ZZEF1: variants seen among roughly 807,000 people sequenced by gnomAD.
ZZEF1 encodes zinc finger ZZ-type and EF-hand domain containing 1.
A neutral mutation model predicts 342.8 loss-of-function variants in ZZEF1; 157 were observed. The observed-to-expected ratio is 0.46, with a 90% CI of 0.40 to 0.52. The LOEUF is 0.52. Among genes scored for constraint, ZZEF1 ranks in the 20% least tolerant of loss-of-function variants. ZZEF1 has a pLI of 0.00. For synonymous variants in ZZEF1, 1,505 were observed against 1,429.1 expected, an observed-to-expected ratio of 1.05 and a Z score of -1.20; for missense variants, 3,480 against 3,725.6, an observed-to-expected ratio of 0.93 and a Z score of 1.72.
At chr17:4,041,698 G>T (rs539671030) in intron 39 of ZZEF1, among the ~76,000 whole-genome samples, 1 of 152,060 alleles carries the variant, frequency 6.6e-6, no homozygotes, top group Admixed American at 6.5e-5. Flanking sequence ...AAGTTCATAT[G>T]GAAAAAATAT....
At chr17:4,056,574 T>G (rs553622376) in intron 32 of ZZEF1, among the ~76,000 whole-genome samples, 1 of 152,214 alleles carries the variant, frequency 6.6e-6, no homozygotes, top group East Asian at 1.9e-4. Context: ...GATGAGAAAT[T>G]AAGAGTTTGA....
At chr17:4,093,020 G>A (rs947032503) in intron 11 of ZZEF1, among the ~76,000 whole-genome samples, 1 of 151,832 alleles carries the variant, frequency 6.6e-6, no homozygotes, top group African/African-American at 2.4e-5. Flanking sequence ...TTCCAAACTG[G>A]AGAGGGACTG....
In ZZEF1 at chr17:4,142,825, T is replaced by A. The variant is rs1197121981; in HGVS notation, c.71A>T (p.His24Leu). 7 of 1,408,674 alleles carry A rather than the reference T, an allele frequency of 5.0e-6. No individual in the cohort carries two copies. The highest frequency in any genetic ancestry group is 6.4e-6 in the Non-Finnish European group (7 of 1,092,010). The allele number at this position is 1,408,674 out of a possible 1,614,324, so 87.3% of individuals were successfully genotyped here. ...AAAGGEGWGP[H>L]QDWAAVSGTT... ...GCCCGAGACCGCGGCCCAGTCCTGG[T>A]GTGGGCCCCAGCCCTCGCCACCGGC... The change falls in exon 1 of 55, where the codon CAC becomes CTC. Residue 24 changes from histidine (H) to leucine (L), a missense_variant. This residue lies in a region of ZZEF1 where 416 missense variants were observed against 374.2 expected (regional missense o/e 1.11). Coordinates refer to ENST00000381638, the MANE Select transcript of ZZEF1 (RefSeq NM_015113.4).
At chr17:4,056,638 C>A (rs927814770) in intron 32 of ZZEF1, 2 of 180,404 alleles carry the variant, frequency 1.1e-5, no homozygotes, top group African/African-American at 4.7e-5. Context: ...GGTGAACCTA[C>A]TATGTGCCAG....
At chr17:4,049,930 G>A in intron 36 of ZZEF1, 71 bp from the exon 37 acceptor site, 1 of 1,549,128 alleles carries the variant, frequency 6.5e-7, no homozygotes, top group Non-Finnish European at 8.8e-7. Context: ...AGTGCCATAA[G>A]TTACTTTGCC....
rs2057890615 is a variant in ZZEF1, at chr17:4,088,831, G to A, written c.2088C>T (p.Gly696=). 1.9e-6 allele frequency: 3 copies of A among 1,614,062 alleles called. No homozygotes were observed. Among genetic ancestry groups the A allele is most frequent in the Admixed American group, 3.3e-5 (2 of 60,004 alleles). ...QESAERLGVQ[G]LTISGYLRPA... is the part of the protein sequence containing the mutation. ...GCCGGAGGTACCCACTGATGGTCAA[G>A]CCTTGCACTCCCAAGCGCTCTGCTG... Residue 696 remains glycine (G), a synonymous_variant, in exon 13 of 55, where the codon GGC becomes GGT. Coordinates refer to ENST00000381638, the MANE Select transcript of ZZEF1 (RefSeq NM_015113.4).
intron 43 of ZZEF1, among the ~76,000 whole-genome samples, chr17:4,024,196 T>TGTG (rs1567770252): frequency 8.1e-6 from 1 of 123,768 alleles, no homozygotes; most frequent in African/African-American, 4.7e-5. Flanking sequence ...GTTTTTTTTT[T>TGTG]TTTTTTTTTT....
Position 4,050,986 on chromosome 17 carries a change from G to A in ZZEF1, c.5658C>T (p.Asp1886=). Residue 1886 remains aspartate, a synonymous_variant, in exon 36 of 55, where the codon GAC becomes GAT. Coordinates refer to ENST00000381638, the MANE Select transcript of ZZEF1 (RefSeq NM_015113.4). Reference sequence around the variant, plus strand: ...TATATGGCTGGATGAGCCTCTGCCGGTCACTGATCCGAATGGTTACCATTG... The same window carrying A: ...TATATGGCTGGATGAGCCTCTGCCGATCACTGATCCGAATGGTTACCATTG... ...AHPMVTIRIS[D]RQRLIQPYIH... is the part of the protein sequence containing the mutation. 1 of 1,614,222 alleles carries A rather than the reference G, an allele frequency of 6.2e-7. No homozygotes were observed. The highest frequency in any genetic ancestry group is 8.5e-7 in the Non-Finnish European group (1 of 1,180,030).
In ZZEF1 at chr17:4,078,030, T is replaced by C; in HGVS notation, c.2842A>G (p.Met948Val). 4 of 1,613,690 alleles carry C rather than the reference T, an allele frequency of 2.5e-6. No individual in the cohort carries two copies. The highest frequency in any genetic ancestry group is 2.2e-5 in the East Asian group (1 of 44,896). The change falls in exon 19 of 55, where the codon ATG (methionine) becomes GTG (valine). Residue 948 changes from methionine to valine, a missense_variant. By Grantham distance (21) the Met-to-Val change is conservative. Coordinates refer to ENST00000381638, the MANE Select transcript of ZZEF1 (RefSeq NM_015113.4). Reference sequence around the variant, plus strand: ...ACCTCCCCTGGGGCCCCACTGAGCATTAACAGCTCGCACTACAAGGGAGGA... The same window carrying C: ...ACCTCCCCTGGGGCCCCACTGAGCACTAACAGCTCGCACTACAAGGGAGGA... ...SVAARECELL[M>V]LSGAPGEVGS...
chr17:4,029,648 G>A (rs1031517128), intron 42 of ZZEF1, among the ~76,000 whole-genome samples: 2 of 152,060 alleles, frequency 1.3e-5, no homozygotes, highest in Non-Finnish European at 2.9e-5. Flanking sequence ...GGCTGAGGCG[G>A]GTGGATCACT....
rs151197467 is a variant in ZZEF1 at position 4,123,964 on chromosome 17, G to A, written c.442C>T (p.Leu148Phe). 1.2e-6 allele frequency: 2 copies of A among 1,614,000 alleles called. No homozygotes were observed. Among genetic ancestry groups the A allele is most frequent in the South Asian group, 2.2e-5 (2 of 91,078 alleles). Residue 148 changes from leucine (L) to phenylalanine (F), a missense_variant, in exon 2 of 55, where the codon CTT (leucine) becomes TTT (phenylalanine). Physicochemically the swap from Leu to Phe is conservative, Grantham distance 22. Transcript: ENST00000381638. ...ATGATGTGGCTCAGCTCCCCCTGAA[G>A]ATTAGCTCCACTGGAATTCTTGAGG... ...EALKNSSGAN[L>F]QGELSHIIRQ...
At position 4,075,257 on chromosome 17, in the gene ZZEF1, T is replaced by A; in HGVS notation, c.3401+6A>T. On this transcript the variant is annotated splice_donor_region_variant and intron_variant, in intron 22 of 54. Coordinates refer to ENST00000381638, the MANE Select transcript of ZZEF1 (RefSeq NM_015113.4). The stretch of plus-strand genomic sequence containing the variant: ...GCTTGGGGGTGAAAGAATATAGAAG[T>A]CTTACCTTTTTTCAGTTTCACACCT... 1 of 1,614,044 alleles carries A rather than the reference T, an allele frequency of 6.2e-7. No individual in the cohort carries two copies. The highest frequency in any genetic ancestry group is 8.5e-7 in the Non-Finnish European group (1 of 1,179,916).
Position 4,050,782 on chromosome 17 carries a change from T to A in ZZEF1, c.5862A>T (p.Lys1954Asn). The change falls in exon 36 of 55, where the codon AAA (lysine) becomes AAT (asparagine). Residue 1954 changes from lysine to asparagine, a missense_variant and splice_region_variant. Around this residue, in one of 5 missense-constraint regions of ZZEF1, gnomAD observed 1,269 missense variants for 1,342.4 expected, o/e 0.95. Transcript: ENST00000381638. ...GDCLMKAHQG[K>N]GLKALALLGV... The stretch of plus-strand genomic sequence containing the variant: ...GGTTTCTGTGCATTGGGAAGTCACC[T>A]TTTCCCTGATGAGCCTTCATCAGAC... 2 of 1,613,472 alleles carry A rather than the reference T, an allele frequency of 1.2e-6. No homozygotes were observed. The highest frequency in any genetic ancestry group is 8.5e-7 in the Non-Finnish European group (1 of 1,180,010).
In ZZEF1 at chr17:4,019,504, G is replaced by A. The variant is rs113796527; in HGVS notation, c.7505+165C>T. On this transcript the variant is annotated intron_variant, in intron 46 of 54. Transcript: ENST00000381638. ...GCACTTTGAAGATGATCCAGGTAAC[G>A]TAGCACAGGCCACCTCCCACCTCGC... Among the ~76,000 whole-genome samples the A allele has an allele frequency of 6.2e-3, 940 of 152,246 alleles. 12 individuals are homozygous for A. Among genetic ancestry groups the A allele is most frequent in the African/African-American group, 0.021 (865 of 41,538 alleles).
chr17:4,141,805 G>A (rs777379182), intron 1 of ZZEF1, among the ~76,000 whole-genome samples: 2 of 151,466 alleles, frequency 1.3e-5, no homozygotes, highest in African/African-American at 4.9e-5. Flanking sequence ...TTCTTAACTC[G>A]AAGTGAAGCG....
intron 1 of ZZEF1, among the ~76,000 whole-genome samples, chr17:4,131,713 G>A (rs1331217490): frequency 1.3e-5 from 2 of 152,066 alleles, no homozygotes; most frequent in East Asian, 3.9e-4. Context: ...CTAGGGGGTC[G>A]AGGTGCAGTG....
rs1384330022 is a variant in ZZEF1 at position 4,133,880 on chromosome 17, T to G, written c.354+8662A>C. The stretch of plus-strand genomic sequence containing the variant: ...GGGACATGCTCAGCTAGTTTTTTAT[T>G]TTTTTGTAGAAACAAAGTCTCACTA... On this transcript the variant is annotated intron_variant, in intron 1 of 54. Coordinates refer to ENST00000381638, the MANE Select transcript of ZZEF1 (RefSeq NM_015113.4). 3.3e-5 allele frequency among the ~76,000 whole-genome samples: 5 copies of G among 152,088 alleles called. No individual in the cohort carries two copies. The East Asian group carries it at 7.7e-4, about 24-fold the overall frequency.
At position 4,064,808 on chromosome 17, in the gene ZZEF1, C is replaced by T. The variant is rs745887050; in HGVS notation, c.4271G>A (p.Ser1424Asn). ...ESLAKECIEK[S>N]LLLLKFLPTG... ...GGGCAGAAATTTTAGTAATAGAAGA[C>T]TCTTCTCAATGCACTCTTTTGCTAG... is the stretch of plus-strand genomic sequence containing the variant. The change falls in exon 29 of 55, where the codon AGT becomes AAT. Residue 1424 changes from serine to asparagine, a missense_variant. By Grantham distance (46) the Ser-to-Asn change is conservative. Coordinates refer to ENST00000381638, the MANE Select transcript of ZZEF1 (RefSeq NM_015113.4). 13 of 1,584,130 alleles carry T rather than the reference C, an allele frequency of 8.2e-6. No individual in the cohort carries two copies. The highest frequency in any genetic ancestry group is 1.0e-5 in the Non-Finnish European group (12 of 1,164,408).
At chr17:4,072,825 A>T in intron 24 of ZZEF1, 69 bp from the exon 25 acceptor site, 1 of 1,462,288 alleles carries the variant, frequency 6.8e-7, no homozygotes, top group Non-Finnish European at 9.2e-7. Flanking sequence ...TTGAAATGAG[A>T]AAGAAAAGGT....
Sources: allele counts gnomAD v4.1 joint callset (sites outside exome capture counted in the v4.1 genomes callset), GRCh38; gene constraint gnomAD v4.1.1; regional missense constraint gnomAD v4.1.1; transcripts MANE v1.5; gene names NCBI Gene and HGNC (gene_info 2026-07-23, HGNC 2026-07-21).